TMEM43: variants seen among roughly 807,000 people sequenced by gnomAD.
TMEM43 encodes the protein arrhythmogenic right ventricular dysplasia 5.
In TMEM43, 45 loss-of-function variants were observed where a neutral mutation model predicts 49.6. The observed-to-expected ratio is 0.91, with a 90% CI of 0.71 to 1.16. TMEM43 has a LOEUF of 1.16. Ranked by LOEUF, TMEM43 falls within the 50% of genes most tolerant of loss-of-function variation. The pLI is 0.00. For missense variants in TMEM43, 532 were observed against 516.6 expected, an observed-to-expected ratio of 1.03 and a Z score of -0.29; for synonymous variants, 199 against 207.8, an observed-to-expected ratio of 0.96 and a Z score of 0.36.
At chr3:14,139,921 G>A (rs1695225657) in intron 11 of TMEM43, among the ~76,000 whole-genome samples, 1 of 152,162 alleles carries the variant, frequency 6.6e-6, no homozygotes, top group East Asian at 1.9e-4. Flanking sequence ...AGTGCCCAGG[G>A]TGACTAAGTG....
chr3:14,133,044 T>G, intron 6 of TMEM43, 109 bp downstream of exon 6: 48 of 983,134 alleles, frequency 4.9e-5, no homozygotes, highest in Non-Finnish European at 7.5e-5. Context: ...CCTCGTGGGT[T>G]GAAAATGTGG....
chr3:14,129,307 T>TAAAAAAAA (rs10648308), intron 1 of TMEM43, 105 bp from the exon 2 acceptor site: 34 of 380,636 alleles, frequency 8.9e-5, no homozygotes, highest in African/African-American at 3.8e-4. Context: ...CAGTTAAAAC[T>TAAAAAAAA]AAAAAAAAAA....
Position 14,125,191 on chromosome 3 carries a change from A to T in TMEM43, c.-3A>T, listed in dbSNP as rs763829810. On this transcript the variant is annotated 5_prime_UTR_variant, in exon 1 of 12. Transcript: ENST00000306077. ...AGGCGGCGGCAGCGAGCCGGGTCCC[A>T]CCATGGCCGCGAATGTGAGTATCCC... 207 of 1,610,414 alleles carry T rather than the reference A, an allele frequency of 1.3e-4. 2 individuals are homozygous for T. The South Asian group carries it at 2.2e-3, about 17-fold the overall frequency.
chr3:14,130,754 T>C, intron 2 of TMEM43, 68 bp from the exon 3 acceptor site: 3 of 1,581,000 alleles, frequency 1.9e-6, no homozygotes, highest in Non-Finnish European at 2.6e-6. Flanking sequence ...CCCTAATACT[T>C]TGCAACAAGC....
intron 1 of TMEM43, chr3:14,128,890 G>A (rs1490020886): frequency 6.7e-6 from 3 of 450,984 alleles, no homozygotes; most frequent in Non-Finnish European, 1.3e-5. Flanking sequence ...CCCATCCACT[G>A]ACGAATGATT....
chr3:14,129,470 G>A lies in TMEM43; in HGVS notation c.71G>A (p.Gly24Asp). Residue 24 changes from glycine to aspartate, a missense_variant, in exon 2 of 12, where the codon GGC becomes GAC. Physicochemically the swap from Gly to Asp is moderately conservative, Grantham distance 94. Coordinates refer to ENST00000306077, the MANE Select transcript of TMEM43 (RefSeq NM_024334.3). ...HVKVKTSSQP[G>D]FLERLSETSG... ...AAAGTTAAAACCAGCTCCCAGCCAG[G>A]CTTCCTGGAACGGCTGAGCGAGACC... is the stretch of plus-strand genomic sequence containing the variant. The A allele has an allele frequency of 6.2e-7, 1 of 1,614,046 alleles. No homozygotes were observed. Among genetic ancestry groups the A allele is most frequent in the Non-Finnish European group, 8.5e-7 (1 of 1,179,988 alleles).
intron 10 of TMEM43, 171 bp downstream of exon 10, chr3:14,136,079 T>G: frequency 2.8e-6 from 2 of 724,858 alleles, no homozygotes; most frequent in South Asian, 3.0e-5. Flanking sequence ...CAGGAGTGTT[T>G]CAGATTCCAG....
rs554631162 is a variant in TMEM43, at chr3:14,138,798, C to A, written c.883-382C>A. 1.4e-4 allele frequency among the ~76,000 whole-genome samples: 21 copies of A among 152,332 alleles called. 1 individual carries two copies. The South Asian group carries it at 4.3e-3, about 32-fold the overall frequency. The stretch of plus-strand genomic sequence containing the variant: ...AGAAGGAGGGTGCAGTGTCCCCAAG[C>A]CATGTGGAGAGGTTCTGAGATTAAA... On this transcript the variant is annotated intron_variant, in intron 10 of 11. Transcript: ENST00000306077.
At chr3:14,125,867 T>C (rs977583174) in intron 1 of TMEM43, among the ~76,000 whole-genome samples, 32 of 152,294 alleles carry the variant, frequency 2.1e-4, no homozygotes, top group African/African-American at 7.2e-4. Context: ...TCCCTGCAAC[T>C]AGCCTTTCTC....
At chr3:14,136,611 G>A (rs1695173284) in intron 10 of TMEM43, among the ~76,000 whole-genome samples, 1 of 152,090 alleles carries the variant, frequency 6.6e-6, no homozygotes, top group African/African-American at 2.4e-5. Context: ...GTCAGTTCCA[G>A]CAAGAACAGC....
At position 14,129,294 on chromosome 3, in the gene TMEM43, A is replaced by G; in HGVS notation, c.13-118A>G. ...TTGAATATCTGTGTGTTTTTACCAC[A>G]TACAGTTAAAACTAAAAAAAAAAAA... On this transcript the variant is annotated intron_variant, in intron 1 of 11. Transcript: ENST00000306077. 3 of 834,196 alleles carry G rather than the reference A, an allele frequency of 3.6e-6. No individual in the cohort carries two copies. The South Asian group carries it at 5.8e-5, about 16-fold the overall frequency. The allele number at this position is 834,196 out of a possible 1,614,324, so 51.7% of individuals were successfully genotyped here.
intron 10 of TMEM43, 98 bp downstream of exon 10, chr3:14,136,006 C>A: frequency 9.7e-7 from 1 of 1,033,946 alleles, no homozygotes; most frequent in Non-Finnish European, 1.5e-6. Flanking sequence ...GGGTCATAGC[C>A]AGTGAATGAG....
chr3:14,139,492 T>A (rs1329586261), intron 11 of TMEM43, among the ~76,000 whole-genome samples, 195 bp downstream of exon 11: 1 of 152,220 alleles, frequency 6.6e-6, no homozygotes, highest in Admixed American at 6.5e-5. Context: ...GGGCAGGAGC[T>A]GCCAGGGGCC....
At chr3:14,134,188 C>CT (rs1695137371) in intron 7 of TMEM43, among the ~76,000 whole-genome samples, 1 of 152,244 alleles carries the variant, frequency 6.6e-6, no homozygotes. Flanking sequence ...CTCCCCCTCT[C>CT]TGAGTTCCAC....
chr3:14,134,148 A>C (rs1695136867), intron 7 of TMEM43, among the ~76,000 whole-genome samples: 1 of 152,160 alleles, frequency 6.6e-6, no homozygotes, highest in African/African-American at 2.4e-5. Flanking sequence ...AGTAGTAGAC[A>C]TGTGGTGGCT....
Position 14,130,955 on chromosome 3 carries a change from A to G in TMEM43, c.296A>G (p.Lys99Arg), listed in dbSNP as rs199943048. 4.3e-6 allele frequency: 7 copies of G among 1,609,284 alleles called. No homozygotes were observed. Among genetic ancestry groups the G allele is most frequent in the African/African-American group, 1.3e-5 (1 of 74,828 alleles). Residue 99 changes from lysine (K) to arginine (R), a missense_variant and splice_region_variant, in exon 3 of 12, where the codon AAG (lysine) becomes AGG (arginine). Transcript: ENST00000306077. ...VHIIGALRTS[K>R]LLSDPNYGVH... Reference sequence around the variant, plus strand: ...ATCATTGGCGCCTTACGGACATCCAAGGTAGGTTTGGCAGGGGATGCTGAC... The same window carrying G: ...ATCATTGGCGCCTTACGGACATCCAGGGTAGGTTTGGCAGGGGATGCTGAC...
At chr3:14,131,365 C>G (rs1695092909) in intron 3 of TMEM43, among the ~76,000 whole-genome samples, 1 of 152,232 alleles carries the variant, frequency 6.6e-6, no homozygotes. Flanking sequence ...GCAGCCCAGG[C>G]CTGTACTGTG....
chr3:14,139,361 G>A (rs967288455), intron 11 of TMEM43, 64 bp downstream of exon 11: 14 of 1,176,512 alleles, frequency 1.2e-5, no homozygotes, highest in Middle Eastern at 1.9e-4. Flanking sequence ...TCTGCCTGTC[G>A]CATCATCTCA....
rs376010102 is a variant in TMEM43 at position 14,133,703 on chromosome 3, C to T, written c.513-36C>T. Reference sequence around the variant, plus strand: ...AAAGGGACCCGGGCAGCTCCCACACCGGTGCCCATCTCTGACAGCTTCCTC... The same window carrying T: ...AAAGGGACCCGGGCAGCTCCCACACTGGTGCCCATCTCTGACAGCTTCCTC... On this transcript the variant is annotated intron_variant, in intron 6 of 11. Coordinates refer to ENST00000306077, the MANE Select transcript of TMEM43 (RefSeq NM_024334.3). The T allele has an allele frequency of 4.1e-5, 66 of 1,603,062 alleles. 1 individual carries two copies. Among genetic ancestry groups the T allele is most frequent in the South Asian group, 1.5e-4 (14 of 90,852 alleles).
Sources: allele counts gnomAD v4.1 joint callset (sites outside exome capture counted in the v4.1 genomes callset), GRCh38; gene constraint gnomAD v4.1.1; transcripts MANE v1.5; gene names NCBI Gene and HGNC (gene_info 2026-07-23, HGNC 2026-07-21).